Variants in LDLRAD3 observed in about 807,000 individuals in gnomAD.
LDLRAD3 encodes the protein low density lipoprotein receptor class A domain containing 3.
LDLRAD3 carries 20 observed loss-of-function variants against 29.4 expected under a neutral mutation model. The ratio of observed to expected loss-of-function variants is 0.68; its 90% CI spans 0.48 to 0.99. LDLRAD3 has a LOEUF of 0.99. Ranked by LOEUF, LDLRAD3 falls within the 50% of genes least tolerant of loss-of-function variation. The pLI is 0.00. For missense variants in LDLRAD3, 420 were observed against 454.3 expected, an observed-to-expected ratio of 0.92 and a Z score of 0.69; for synonymous variants, 157 against 192.7, an observed-to-expected ratio of 0.81 and a Z score of 1.53.
chr11:36,062,390 C>T (rs1382107650), intron 2 of LDLRAD3, among the ~76,000 whole-genome samples: 3 of 152,016 alleles, frequency 2.0e-5, no homozygotes, highest in African/African-American at 7.3e-5. Context: ...ACTGAAACAC[C>T]AGGGGTTCGG....
At chr11:36,077,727 A>G (rs1853038921) in intron 2 of LDLRAD3, among the ~76,000 whole-genome samples, 1 of 152,186 alleles carries the variant, frequency 6.6e-6, no homozygotes. Context: ...ACAGAGCCCT[A>G]AAGAGTGTAT....
intron 2 of LDLRAD3, among the ~76,000 whole-genome samples, chr11:36,052,782 G>A (rs1296373534): frequency 6.6e-6 from 1 of 152,154 alleles, no homozygotes; most frequent in Non-Finnish European, 1.5e-5. Flanking sequence ...AAAAGAATTA[G>A]CTATAGTTAT....
chr11:36,132,224 G>A (rs892711301), intron 4 of LDLRAD3, among the ~76,000 whole-genome samples: 1 of 152,136 alleles, frequency 6.6e-6, no homozygotes, highest in South Asian at 2.1e-4. Flanking sequence ...AAAGGAGAGC[G>A]GAAGACGGAA....
At chr11:36,204,474 T>C (rs1855176153) in intron 4 of LDLRAD3, among the ~76,000 whole-genome samples, 1 of 149,046 alleles carries the variant, frequency 6.7e-6, no homozygotes, top group Non-Finnish European at 1.5e-5. Context: ...TTTTTCTTGA[T>C]GTCATTGGAG....
intron 4 of LDLRAD3, chr11:36,101,885 CTTTTTTTTT>C: frequency 2.2e-5 from 5 of 224,074 alleles, no homozygotes; most frequent in South Asian, 3.3e-5. Context: ...CCACTGTCAT[CTTTTTTTTT>C]TTTTTTTTTT....
intron 4 of LDLRAD3, among the ~76,000 whole-genome samples, chr11:36,192,531 C>T (rs1454344534): frequency 6.6e-6 from 1 of 152,220 alleles, no homozygotes; most frequent in Non-Finnish European, 1.5e-5. Flanking sequence ...GTTTGGGTCA[C>T]ACACAAAGCA....
intron 3 of LDLRAD3, among the ~76,000 whole-genome samples, chr11:36,085,585 TC>T (rs1435856360): frequency 6.6e-6 from 1 of 152,078 alleles, no homozygotes; most frequent in East Asian, 1.9e-4. Flanking sequence ...GTCCCACAAG[TC>T]CCTGAGGCTC....
At chr11:35,974,013 CT>C (rs541128221) in intron 1 of LDLRAD3, among the ~76,000 whole-genome samples, 73 of 152,022 alleles carry the variant, frequency 4.8e-4, no homozygotes, top group African/African-American at 1.2e-3. Context: ...ATAGCCTTTG[CT>C]TTTTTTTCCC....
At chr11:36,037,972 C>G (rs1224433533) in intron 2 of LDLRAD3, among the ~76,000 whole-genome samples, 1 of 152,210 alleles carries the variant, frequency 6.6e-6, no homozygotes, top group South Asian at 2.1e-4. Context: ...TCACAGCTCA[C>G]TGCAGCCTCG....
chr11:36,166,468 A>C (rs1411284507), intron 4 of LDLRAD3, among the ~76,000 whole-genome samples: 1 of 152,178 alleles, frequency 6.6e-6, no homozygotes, highest in Non-Finnish European at 1.5e-5. Context: ...TTTGTTAGAA[A>C]ACCTCTGTTA....
At chr11:36,064,207 A>T (rs889367880) in intron 2 of LDLRAD3, among the ~76,000 whole-genome samples, 9 of 152,090 alleles carry the variant, frequency 5.9e-5, no homozygotes, top group Non-Finnish European at 1.3e-4. Context: ...TCATTTTTGG[A>T]TTGCTGATTG....
chr11:36,052,908 A>G (rs1481895226), intron 2 of LDLRAD3, among the ~76,000 whole-genome samples: 3 of 152,270 alleles, frequency 2.0e-5, no homozygotes, highest in South Asian at 4.2e-4. Context: ...AGGGTCTAGC[A>G]TATCTGTCAT....
intron 1 of LDLRAD3, among the ~76,000 whole-genome samples, chr11:35,954,307 A>G (rs895080501): frequency 2.0e-5 from 3 of 152,242 alleles, no homozygotes; most frequent in Non-Finnish European, 4.4e-5. Flanking sequence ...CAACGTCAAC[A>G]TCTTTTAAAA....
chr11:36,118,748 ATAGT>A (rs2133293760), intron 4 of LDLRAD3, among the ~76,000 whole-genome samples: 1 of 152,300 alleles, frequency 6.6e-6, no homozygotes, highest in Non-Finnish European at 1.5e-5. Context: ...GTGTATTCAC[ATAGT>A]TAGACAGCCA....
intron 1 of LDLRAD3, among the ~76,000 whole-genome samples, chr11:35,991,517 A>G (rs980159570): frequency 1.3e-5 from 2 of 152,256 alleles, no homozygotes; most frequent in Admixed American, 6.5e-5. Flanking sequence ...TGTGAGGGCC[A>G]TAAATTTAAG....
At chr11:36,165,802 A>T (rs938062440) in intron 4 of LDLRAD3, among the ~76,000 whole-genome samples, 1 of 146,930 alleles carries the variant, frequency 6.8e-6, no homozygotes, top group Non-Finnish European at 1.5e-5. Context: ...AGAAGCAGGG[A>T]ATTAATGATC....
chr11:36,200,188 T>TA (rs905304585), intron 4 of LDLRAD3, among the ~76,000 whole-genome samples: 5 of 151,938 alleles, frequency 3.3e-5, no homozygotes, highest in African/African-American at 1.2e-4. Flanking sequence ...AATTAAAAAT[T>TA]AAAAAAACAG....
intron 4 of LDLRAD3, among the ~76,000 whole-genome samples, chr11:36,127,189 A>G (rs1201555960): frequency 6.6e-6 from 1 of 152,234 alleles, no homozygotes; most frequent in Non-Finnish European, 1.5e-5. Flanking sequence ...CTAAAGATAC[A>G]GGTTTAAGGA....
At chr11:36,208,937 T>C (rs1168514920) in intron 4 of LDLRAD3, among the ~76,000 whole-genome samples, 1 of 152,250 alleles carries the variant, frequency 6.6e-6, no homozygotes, top group Non-Finnish European at 1.5e-5. Flanking sequence ...ACAGAAATAG[T>C]AACTTTGCAG....
Sources: gnomAD v4.1 joint callset for allele counts (sites outside exome capture counted in the v4.1 genomes callset) on GRCh38, gnomAD v4.1.1 for gene constraint, MANE v1.5 for transcripts, NCBI Gene and HGNC (gene_info 2026-07-23, HGNC 2026-07-21) for gene names.